The following AKAP9 variants were observed in gnomAD, a reference collection of about 807,000 sequenced individuals.
AKAP9 encodes A-kinase anchoring protein 9, also known as A-kinase anchor protein 9.
In AKAP9, 311 loss-of-function variants were observed where a neutral mutation model predicts 488.5. The observed-to-expected ratio is 0.64, with a 90% CI of 0.58 to 0.70. The LOEUF is 0.70. Ranked by LOEUF, AKAP9 falls within the 30% of genes least tolerant of loss-of-function variation. The pLI, the probability that AKAP9 is intolerant of heterozygous loss-of-function variation, is 0.00. For synonymous variants in AKAP9, 1,462 were observed against 1,483.5 expected, an observed-to-expected ratio of 0.99 and a Z score of 0.33; for missense variants, 4,215 against 4,374.5, an observed-to-expected ratio of 0.96 and a Z score of 1.03.
intron 26 of AKAP9, among the ~76,000 whole-genome samples, chr7:92,067,279 C>T (rs773953585): frequency 2.6e-5 from 4 of 152,164 alleles, no homozygotes; most frequent in South Asian, 2.1e-4. Context: ...ATATCCAGTG[C>T]CTACTCTGTC....
intron 46 of AKAP9, among the ~76,000 whole-genome samples, chr7:92,103,738 A>G (rs1360191378): frequency 6.6e-6 from 1 of 152,022 alleles, no homozygotes; most frequent in African/African-American, 2.4e-5. Context: ...ACAAGCTCAC[A>G]CATGTAAATA....
At chr7:92,003,423 G>A (rs1336041876) in intron 8 of AKAP9, among the ~76,000 whole-genome samples, 188 bp downstream of exon 8, 1 of 151,262 alleles carries the variant, frequency 6.6e-6, no homozygotes, top group Admixed American at 6.6e-5. Flanking sequence ...AACCATTGTT[G>A]CCTTTCTTTC....
chr7:91,996,870 C>T lies in AKAP9; in HGVS notation c.930+1070C>T, dbSNP rs117995736. On this transcript the variant is annotated intron_variant, in intron 7 of 49. Coordinates refer to ENST00000356239, the MANE Select transcript of AKAP9 (RefSeq NM_005751.5). The stretch of plus-strand genomic sequence containing the variant: ...CATTTATTAAGTGCTTACTGTGTAA[C>T]AGGCAGTATTCAAAGCATCTTATAT... 6.7e-3 allele frequency among the ~76,000 whole-genome samples: 1,025 copies of T among 152,248 alleles called. 6 individuals are homozygous for T. Among genetic ancestry groups the T allele is most frequent in the Non-Finnish European group, 0.011 (745 of 68,012 alleles).
Position 92,107,364 on chromosome 7 carries a change from A to C in AKAP9, c.11488A>C (p.Thr3830Pro). ...GTTATATGGAGAACCAAGACATACT[A>C]CGTATCGCTCAAGATCAGATCTGGA... The part of the protein sequence containing the change: ...LELYGEPRHT[T>P]YRSRSDLDYI... The change falls in exon 48 of 50, where the codon ACG becomes CCG. Residue 3830 changes from threonine (T) to proline (P), a missense_variant. Thr to Pro is a conservative substitution (Grantham distance 38). Around this residue, in one of 5 missense-constraint regions of AKAP9, gnomAD observed 253 missense variants for 266.8 expected, o/e 0.95. Coordinates refer to ENST00000356239, the MANE Select transcript of AKAP9 (RefSeq NM_005751.5). 6.2e-7 allele frequency: 1 copy of C among 1,613,616 alleles called. No homozygotes were observed. Among genetic ancestry groups the C allele is most frequent in the South Asian group, 1.1e-5 (1 of 91,072 alleles).
intron 28 of AKAP9, among the ~76,000 whole-genome samples, chr7:92,073,810 A>C (rs1031418180): frequency 6.6e-6 from 1 of 152,188 alleles, no homozygotes; most frequent in Non-Finnish European, 1.5e-5. Flanking sequence ...GTGCATTTCA[A>C]ACTTTAATGC....
rs1819011138 is a variant in AKAP9 at position 92,109,327 on chromosome 7, G to C, written c.11686+694G>C. 1.3e-5 allele frequency among the ~76,000 whole-genome samples: 2 copies of C among 152,172 alleles called. 1 individual carries two copies. The highest frequency in any genetic ancestry group is 4.1e-4 in the South Asian group (2 of 4,828). The stretch of plus-strand genomic sequence containing the variant: ...CTCACTTCAGTTCACTCCTGATTCA[G>C]AGACTTTGAATCATTGAGTAGTTTA... On this transcript the variant is annotated intron_variant, in intron 49 of 49. Coordinates refer to ENST00000356239, the MANE Select transcript of AKAP9 (RefSeq NM_005751.5).
Position 92,002,801 on chromosome 7 carries a change from C to A in AKAP9, c.2884C>A (p.Leu962Ile). ...AGAGCTGTCACAGAGACTGTCTGAT[C>A]TTTCTGAACAATTGAAACAGAAACA... ...KLELSQRLSD[L>I]SEQLKQKHGE... The change falls in exon 8 of 50, where the codon CTT (leucine) becomes ATT (isoleucine). Residue 962 changes from leucine (L) to isoleucine (I), a missense_variant. Leu to Ile is a conservative substitution (Grantham distance 5). This residue lies in a region of AKAP9 where 2,361 missense variants were observed against 2,430.0 expected (regional missense o/e 0.97). Coordinates refer to ENST00000356239, the MANE Select transcript of AKAP9 (RefSeq NM_005751.5). 6.2e-7 allele frequency: 1 copy of A among 1,613,596 alleles called. No individual in the cohort carries two copies. The highest frequency in any genetic ancestry group is 8.5e-7 in the Non-Finnish European group (1 of 1,179,692).
chr7:92,030,098 A>G, intron 15 of AKAP9, 107 bp downstream of exon 15: 1 of 783,330 alleles, frequency 1.3e-6, no homozygotes, highest in Non-Finnish European at 2.1e-6. Context: ...AAGTAAGCAT[A>G]ATAAATATGA....
chr7:92,064,949 G>A (rs1222481123), intron 24 of AKAP9, among the ~76,000 whole-genome samples: 6 of 146,756 alleles, frequency 4.1e-5, no homozygotes, highest in African/African-American at 1.5e-4. Flanking sequence ...TTTTTTTTTT[G>A]GTCATTTGCT....
chr7:92,102,448 TTACTACTAC>T lies in AKAP9; in HGVS notation c.11098-112_11098-104del, dbSNP rs11276778. 23,134 of 568,450 alleles carry T rather than the reference TTACTACTAC, an allele frequency of 0.041. 205 individuals are homozygous for T. Among genetic ancestry groups the T allele is most frequent in the Middle Eastern group, 0.087 (181 of 2,080 alleles). The allele number at this position is 568,450 out of a possible 1,614,324, so 35.2% of individuals were successfully genotyped here. On this transcript the variant is annotated intron_variant, in intron 45 of 49. Transcript: ENST00000356239. ...GTGATAGGAACCTGCCGTTTTACTA[TTACTACTAC>T]TACTACTACTACTACTACTACTACT... is the stretch of plus-strand genomic sequence containing the variant.
rs7785971 is a variant in AKAP9, at chr7:92,107,480, T to G, written c.11546+58T>G. On this transcript the variant is annotated intron_variant, in intron 48 of 49. Transcript: ENST00000356239. ...TAAATGTATTAATATTTAACAGAGATAAATGGACATTTTTAGGGCTTTGAC... is the reference window on the plus strand; with the variant it reads ...TAAATGTATTAATATTTAACAGAGAGAAATGGACATTTTTAGGGCTTTGAC... 5 of 1,542,876 alleles carry G rather than the reference T, an allele frequency of 3.2e-6. No homozygotes were observed. In the African/African-American group the frequency reaches 6.8e-5, roughly 21 times the overall value.
intron 1 of AKAP9, among the ~76,000 whole-genome samples, chr7:91,962,014 A>G (rs966671917): frequency 6.6e-6 from 1 of 152,218 alleles, no homozygotes; most frequent in Non-Finnish European, 1.5e-5. Context: ...CTGTGACTAC[A>G]TATGTTAACA....
intron 3 of AKAP9, among the ~76,000 whole-genome samples, chr7:91,983,598 C>G (rs140389794): frequency 6.6e-6 from 1 of 152,128 alleles, no homozygotes; most frequent in African/African-American, 2.4e-5. Flanking sequence ...AATGGTATTT[C>G]TAGTTCTAGA....
intron 23 of AKAP9, among the ~76,000 whole-genome samples, 185 bp downstream of exon 23, chr7:92,061,607 TATATATATATATAA>T (rs1341153840): frequency 1.4e-5 from 2 of 141,778 alleles, no homozygotes; most frequent in African/African-American, 5.2e-5. Context: ...TATATATATA[TATATATATATATAA>T]AATTATAAAA....
At chr7:92,017,461 T>C (rs1801677726) in intron 12 of AKAP9, among the ~76,000 whole-genome samples, 1 of 152,162 alleles carries the variant, frequency 6.6e-6, no homozygotes, top group African/African-American at 2.4e-5. Flanking sequence ...ATATAGCTAA[T>C]TAGTTTCACA....
At chr7:91,943,748 TAA>T (rs1413836174) in intron 1 of AKAP9, among the ~76,000 whole-genome samples, 2 of 152,238 alleles carry the variant, frequency 1.3e-5, no homozygotes, top group Non-Finnish European at 2.9e-5. Context: ...GAGTCATTAA[TAA>T]GTGTTACTTT....
intron 22 of AKAP9, among the ~76,000 whole-genome samples, chr7:92,056,824 A>G (rs1012272645): frequency 2.0e-5 from 3 of 151,980 alleles, no homozygotes; most frequent in African/African-American, 7.2e-5. Flanking sequence ...CTTCTTTAGC[A>G]TGGGTTTTTC....
At chr7:91,989,227 G>A (rs1797476822) in intron 3 of AKAP9, among the ~76,000 whole-genome samples, 1 of 152,058 alleles carries the variant, frequency 6.6e-6, no homozygotes, top group Non-Finnish European at 1.5e-5. Context: ...GGTATATTGT[G>A]GGTTTAATGT....
intron 21 of AKAP9, among the ~76,000 whole-genome samples, chr7:92,047,468 C>A (rs1807200847): frequency 6.6e-6 from 1 of 152,160 alleles, no homozygotes; most frequent in Non-Finnish European, 1.5e-5. Context: ...ATCCACCAAC[C>A]TCGGCCTCCC....
Sources: allele counts gnomAD v4.1 joint callset (sites outside exome capture counted in the v4.1 genomes callset), GRCh38; gene constraint gnomAD v4.1.1; regional missense constraint gnomAD v4.1.1; transcripts MANE v1.5; gene names NCBI Gene and HGNC (gene_info 2026-07-23, HGNC 2026-07-21).